Variants in SUCLG2 observed in about 807,000 individuals in gnomAD.
SUCLG2 encodes the protein succinate-CoA ligase GDP-forming subunit beta, also known as succinate--CoA ligase [GDP-forming] subunit beta, mitochondrial.
Under a neutral mutation model 47.9 loss-of-function variants are expected in SUCLG2, and 42 were observed. The observed-to-expected ratio is 0.88, with a 90% CI of 0.69 to 1.14. The LOEUF (loss-of-function observed/expected upper bound fraction) is 1.14, where lower values mean the gene tolerates loss of function less well. Among genes scored for constraint, SUCLG2 ranks in the 50% most tolerant of loss-of-function variants. SUCLG2 has a pLI of 0.00. For synonymous variants in SUCLG2, 195 were observed against 197.3 expected, an observed-to-expected ratio of 0.99 and a Z score of 0.10; for missense variants, 571 against 525.9, an observed-to-expected ratio of 1.09 and a Z score of -0.84.
At chr3:67,372,885 T>C (rs567722831), downstream of SUCLG2, among the ~76,000 whole-genome samples, 1 of 152,282 alleles carries the variant, frequency 6.6e-6, no homozygotes, top group Admixed American at 6.5e-5. Flanking sequence ...AAAGAGGAAA[T>C]ATTTTAGGGT....
At chr3:67,610,499 TA>T (rs1274551271) in intron 1 of SUCLG2, among the ~76,000 whole-genome samples, 1 of 148,094 alleles carries the variant, frequency 6.8e-6, no homozygotes, top group African/African-American at 2.5e-5. Flanking sequence ...GCCCCATTTT[TA>T]AAAGAAGGAA....
chr3:67,378,532 A>G (rs1156651615), intron 10 of SUCLG2, among the ~76,000 whole-genome samples: 1 of 152,138 alleles, frequency 6.6e-6, no homozygotes, highest in African/African-American at 2.4e-5. Flanking sequence ...CATATAAGGG[A>G]TCTTGGAAGC....
intron 1 of SUCLG2, among the ~76,000 whole-genome samples, chr3:67,640,073 T>C (rs1423955089): frequency 6.6e-6 from 1 of 152,228 alleles, no homozygotes; most frequent in East Asian, 1.9e-4. Context: ...ATTTGAGGTA[T>C]GAAGTCCTAA....
intron 6 of SUCLG2, among the ~76,000 whole-genome samples, chr3:67,513,741 CAA>C (rs901758247): frequency 3.3e-5 from 5 of 152,202 alleles, no homozygotes; most frequent in African/African-American, 4.8e-5. Context: ...CCACTGCGTA[CAA>C]AAAGTTTTTC....
intron 9 of SUCLG2, among the ~76,000 whole-genome samples, chr3:67,482,182 AGAAGGAAGGAAG>A (rs146705714): frequency 6.6e-5 from 10 of 151,654 alleles, no homozygotes; most frequent in East Asian, 2.0e-4. Flanking sequence ...TATCTCAATA[AGAAGGAAGGAAG>A]GAAGGAAGGA....
At chr3:67,586,446 T>A (rs1312333380) in intron 2 of SUCLG2, among the ~76,000 whole-genome samples, 1 of 152,220 alleles carries the variant, frequency 6.6e-6, no homozygotes, top group African/African-American at 2.4e-5. Flanking sequence ...TGAGATTCAT[T>A]GATTTCGAGA....
chr3:67,439,242 A>G (rs1176727683), intron 9 of SUCLG2, among the ~76,000 whole-genome samples: 1 of 152,250 alleles, frequency 6.6e-6, no homozygotes, highest in Non-Finnish European at 1.5e-5. Context: ...ATATCGCAAA[A>G]TAATAAGAGC....
At chr3:67,369,843 T>C (rs139404741), downstream of SUCLG2, among the ~76,000 whole-genome samples, 723 of 152,280 alleles carry the variant, frequency 4.7e-3, 4 homozygotes, top group Non-Finnish European at 7.7e-3. Flanking sequence ...GCCATTTCCA[T>C]ACCCTAAAGA....
chr3:67,624,808 T>C (rs545143234), intron 1 of SUCLG2, among the ~76,000 whole-genome samples: 24 of 152,312 alleles, frequency 1.6e-4, no homozygotes, highest in African/African-American at 5.5e-4. Flanking sequence ...AAAAAAAATT[T>C]ATACCCAAGT....
Position 67,516,048 on chromosome 3 carries a change from GC to G in SUCLG2, c.660+2198del, listed in dbSNP as rs538498952. Reference sequence around the variant, plus strand: ...CAGGCAGATATCTACCGGTCTGTGAGCCCCTGAGGAACAATGGTTATTTTTC... The same window carrying G: ...CAGGCAGATATCTACCGGTCTGTGAGCCCTGAGGAACAATGGTTATTTTTC... On this transcript the variant is annotated intron_variant, in intron 6 of 10. Transcript: ENST00000307227. Among the ~76,000 whole-genome samples, 553 of 152,124 alleles carry G rather than the reference GC, an allele frequency of 3.6e-3. 2 individuals carry two copies. The highest frequency in any genetic ancestry group is 0.013 in the African/African-American group (528 of 41,494).
chr3:67,389,034 A>G (rs778516413), intron 10 of SUCLG2, among the ~76,000 whole-genome samples: 3 of 152,094 alleles, frequency 2.0e-5, no homozygotes, highest in Admixed American at 2.0e-4. Flanking sequence ...TCCTGGAGAG[A>G]GTAATGGCTT....
At chr3:67,460,899 ATTCTCTGGGGT>A (rs1380654947) in intron 9 of SUCLG2, among the ~76,000 whole-genome samples, 3 of 152,180 alleles carry the variant, frequency 2.0e-5, no homozygotes, top group Non-Finnish European at 4.4e-5. Context: ...TCTAGTGAGC[ATTCTCTGGGGT>A]TTATCTGATA....
intron 9 of SUCLG2, among the ~76,000 whole-genome samples, chr3:67,481,026 T>C (rs6784128): frequency 1.2e-3 from 43 of 34,926 alleles, no homozygotes; most frequent in African/African-American, 2.4e-3. Flanking sequence ...TATGACACTG[T>C]TTTTTTTACA....
intron 9 of SUCLG2, among the ~76,000 whole-genome samples, chr3:67,451,159 C>T (rs572363958): frequency 6.6e-6 from 1 of 152,332 alleles, no homozygotes; most frequent in Non-Finnish European, 1.5e-5. Flanking sequence ...AGCCCATGTA[C>T]ATTTCTTCTA....
intron 2 of SUCLG2, among the ~76,000 whole-genome samples, chr3:67,604,694 T>C (rs1575810478): frequency 1.3e-5 from 2 of 152,056 alleles, no homozygotes; most frequent in East Asian, 1.9e-4. Context: ...ACAAGTTCCA[T>C]TTAGGTCAGG....
At chr3:67,451,429 G>A (rs977949851) in intron 9 of SUCLG2, among the ~76,000 whole-genome samples, 4 of 152,104 alleles carry the variant, frequency 2.6e-5, no homozygotes, top group African/African-American at 7.2e-5. Flanking sequence ...TATTTCTCAC[G>A]TACAGTTGTC....
intron 2 of SUCLG2, among the ~76,000 whole-genome samples, chr3:67,601,315 TA>T (rs1708413050): frequency 1.3e-5 from 2 of 152,226 alleles, no homozygotes; most frequent in African/African-American, 2.4e-5. Flanking sequence ...GATTAGAAGA[TA>T]TTTTTTACTT....
At chr3:67,538,954 T>C (rs1300169621) in intron 2 of SUCLG2, among the ~76,000 whole-genome samples, 5 of 152,210 alleles carry the variant, frequency 3.3e-5, no homozygotes, top group African/African-American at 1.2e-4. Context: ...TAAGGGAATT[T>C]TGGGCAGAGA....
intron 2 of SUCLG2, among the ~76,000 whole-genome samples, chr3:67,536,851 T>C (rs1038123945): frequency 6.6e-6 from 1 of 152,184 alleles, no homozygotes; most frequent in Non-Finnish European, 1.5e-5. Flanking sequence ...AATCCTTTGA[T>C]AGCGCAATCC....
Sources: allele counts gnomAD v4.1 joint callset (sites outside exome capture counted in the v4.1 genomes callset), GRCh38; gene constraint gnomAD v4.1.1; transcripts MANE v1.5; gene names NCBI Gene and HGNC (gene_info 2026-07-23, HGNC 2026-07-21).